Variants in PLCH1 observed in about 807,000 individuals in gnomAD.
The protein encoded by PLCH1 is phospholipase C eta 1, also known as 1-phosphatidylinositol 4,5-bisphosphate phosphodiesterase eta-1.
PLCH1 carries 60 observed loss-of-function variants against 126.7 expected under a neutral mutation model. The observed-to-expected ratio is 0.47, with a 90% CI of 0.38 to 0.59. PLCH1 has a LOEUF of 0.59. Ranked by LOEUF, PLCH1 falls within the 20% of genes least tolerant of loss-of-function variation. PLCH1 has a pLI of 0.00. For synonymous variants in PLCH1, 719 were observed against 734.9 expected, an observed-to-expected ratio of 0.98 and a Z score of 0.35; for missense variants, 1,723 against 2,040.0, an observed-to-expected ratio of 0.84 and a Z score of 2.99.
chr3:155,484,033 G>A (rs1714606493), intron 22 of PLCH1, among the ~76,000 whole-genome samples: 1 of 152,140 alleles, frequency 6.6e-6, no homozygotes, highest in African/African-American at 2.4e-5. Flanking sequence ...TTACCACTGA[G>A]ACAGCCACTG....
At chr3:155,579,096 C>A (rs1730341774) in intron 6 of PLCH1, among the ~76,000 whole-genome samples, 2 of 152,176 alleles carry the variant, frequency 1.3e-5, no homozygotes. Flanking sequence ...CACAGGTTTG[C>A]CTAACTCTCT....
intron 18 of PLCH1, among the ~76,000 whole-genome samples, 173 bp from the exon 19 acceptor site, chr3:155,491,041 T>C (rs1399663993): frequency 6.6e-6 from 1 of 152,190 alleles, no homozygotes; most frequent in Non-Finnish European, 1.5e-5. Flanking sequence ...ATGAGACAAG[T>C]ATAAAAAATA....
intron 6 of PLCH1, among the ~76,000 whole-genome samples, chr3:155,575,492 TTACA>T (rs1319271140): frequency 6.6e-6 from 1 of 152,106 alleles, no homozygotes; most frequent in East Asian, 1.9e-4. Context: ...CTATATCAGA[TTACA>T]ATAAGGAGAT....
intron 1 of PLCH1, among the ~76,000 whole-genome samples, chr3:155,717,077 G>T (rs1213153303): frequency 6.6e-6 from 1 of 152,250 alleles, no homozygotes; most frequent in Admixed American, 6.5e-5. Context: ...TCAAAACCCA[G>T]CAGGGCAGTC....
chr3:155,460,468 A>C (rs1712670151), intron 21 of PLCH1, among the ~76,000 whole-genome samples: 1 of 152,146 alleles, frequency 6.6e-6, no homozygotes, highest in Non-Finnish European at 1.5e-5. Context: ...ATAAGGACCC[A>C]TTCTGTTACT....
chr3:155,578,824 T>TC (rs1223379253), intron 6 of PLCH1, among the ~76,000 whole-genome samples: 2 of 152,066 alleles, frequency 1.3e-5, no homozygotes, highest in African/African-American at 4.8e-5. Flanking sequence ...TCTCCGGCCT[T>TC]CCCCCCAGCC....
chr3:155,485,970 G>C, intron 21 of PLCH1: 1 of 606,238 alleles, frequency 1.6e-6, no homozygotes. Flanking sequence ...AGATGACAAA[G>C]TGGTAGGAAA....
At chr3:155,689,226 C>T (rs959373259) in intron 2 of PLCH1, among the ~76,000 whole-genome samples, 1 of 152,148 alleles carries the variant, frequency 6.6e-6, no homozygotes, top group Non-Finnish European at 1.5e-5. Context: ...GGTGATAACT[C>T]TACGAGTCTG....
At chr3:155,541,174 G>C (rs1312035352) in intron 10 of PLCH1, among the ~76,000 whole-genome samples, 1 of 152,142 alleles carries the variant, frequency 6.6e-6, no homozygotes, top group Non-Finnish European at 1.5e-5. Context: ...TTATAAGTGG[G>C]AGCTAAGCTA....
chr3:155,674,333 G>A (rs188178411), intron 2 of PLCH1, among the ~76,000 whole-genome samples: 86 of 152,138 alleles, frequency 5.7e-4, no homozygotes, highest in Middle Eastern at 6.8e-3. Context: ...TCCTGCCTCC[G>A]AATAAACATT....
At chr3:155,517,692 A>T (rs1391263377) in intron 11 of PLCH1, among the ~76,000 whole-genome samples, 1 of 152,154 alleles carries the variant, frequency 6.6e-6, no homozygotes, top group Non-Finnish European at 1.5e-5. Context: ...ACTTAATTAC[A>T]TCCGCAAAGA....
chr3:155,544,356 A>G (rs895925144), intron 10 of PLCH1, among the ~76,000 whole-genome samples: 9 of 152,200 alleles, frequency 5.9e-5, no homozygotes, highest in Middle Eastern at 3.2e-3. Flanking sequence ...ATATATATGC[A>G]CCCAATACAG....
intron 2 of PLCH1, among the ~76,000 whole-genome samples, chr3:155,666,836 A>G (rs1264597831): frequency 1.3e-5 from 2 of 152,168 alleles, no homozygotes. Context: ...AAATATAAGT[A>G]GAAAACTAAT....
At chr3:155,702,767 A>G (rs1202166977) in intron 2 of PLCH1, among the ~76,000 whole-genome samples, 4 of 152,234 alleles carry the variant, frequency 2.6e-5, no homozygotes, top group African/African-American at 9.6e-5. Flanking sequence ...AACTCCCGTG[A>G]TTTTTCTATT....
At chr3:155,559,429 G>A (rs1379031268) in intron 8 of PLCH1, among the ~76,000 whole-genome samples, 1 of 151,866 alleles carries the variant, frequency 6.6e-6, no homozygotes, top group Non-Finnish European at 1.5e-5. Flanking sequence ...ATAAGAAATA[G>A]GTCAAACACA....
chr3:155,566,302 CAT>C (rs1198979173), intron 7 of PLCH1, among the ~76,000 whole-genome samples: 1 of 19,906 alleles, frequency 5.0e-5, no homozygotes, highest in African/African-American at 1.9e-4. Flanking sequence ...TATATATACA[CAT>C]ATATATACAT....
intron 1 of PLCH1, among the ~76,000 whole-genome samples, chr3:155,741,684 C>CTTTTATTTT: frequency 1.3e-4 from 13 of 102,862 alleles, no homozygotes; most frequent in South Asian, 9.7e-4. Context: ...TTTATATCCT[C>CTTTTATTTT]TTTTTTTTTT....
intron 2 of PLCH1, among the ~76,000 whole-genome samples, chr3:155,642,684 G>A (rs994487603): frequency 6.6e-6 from 1 of 152,142 alleles, no homozygotes; most frequent in Non-Finnish European, 1.5e-5. Flanking sequence ...TGCCAACAAA[G>A]CTCATCCTTC....
At chr3:155,693,422 G>A (rs1428636351) in intron 2 of PLCH1, among the ~76,000 whole-genome samples, 2 of 110,810 alleles carry the variant, frequency 1.8e-5, no homozygotes, top group Admixed American at 9.9e-5. Flanking sequence ...CCGAGATTGC[G>A]CCACTGCAGT....
Sources: allele counts gnomAD v4.1 joint callset (sites outside exome capture counted in the v4.1 genomes callset), GRCh38; gene constraint gnomAD v4.1.1; transcripts MANE v1.5; gene names NCBI Gene and HGNC (gene_info 2026-07-23, HGNC 2026-07-21).